The following ARL14EPL variants were observed in gnomAD, a reference collection of about 807,000 sequenced individuals.
ARL14EPL encodes ARF like GTPase 14 effector protein like, also known as ARL14 effector protein-like.
ARL14EPL carries 17 observed loss-of-function variants against 15.9 expected under a neutral mutation model. That is an observed-to-expected ratio of 1.07 (90% CI 0.73 to 1.60). The LOEUF is 1.60. ARL14EPL is among the 40% of genes most tolerant of loss of function. The pLI is 0.00. For missense variants in ARL14EPL, 214 were observed against 185.9 expected (o/e 1.15, Z -0.88); for synonymous variants, 78 against 63.8 (o/e 1.22, Z -1.06).
chr5:116,041,393 C>G (rs1749155649), intron 1 of ARL14EPL, among the ~76,000 whole-genome samples: 1 of 152,172 alleles, frequency 6.6e-6, no homozygotes, highest in African/African-American at 2.4e-5. Flanking sequence ...TGGGGGAAAA[C>G]ACTGAAGTAG....
In ARL14EPL at chr5:116,042,267, T is replaced by G. The variant is rs146456219; in HGVS notation, c.-9-9190T>G. 3.8e-3 allele frequency among the ~76,000 whole-genome samples: 583 copies of G among 152,330 alleles called. 6 individuals are homozygous for G. The highest frequency in any genetic ancestry group is 0.011 in the African/African-American group (452 of 41,568). ...TTATTTGATTACATATCTTCTTCTT[T>G]TAGACCTTTGAGCACTTTGAAGAAA... On this transcript the variant is annotated intron_variant, in intron 1 of 3. Coordinates refer to ENST00000686077, the MANE Select transcript of ARL14EPL (RefSeq NM_001195581.2).
intron 3 of ARL14EPL, among the ~76,000 whole-genome samples, chr5:116,056,554 G>A (rs1181652556): frequency 6.6e-6 from 1 of 152,072 alleles, no homozygotes; most frequent in Non-Finnish European, 1.5e-5. Context: ...TTAGCCCTTT[G>A]TCAGATGAGT....
intron 2 of ARL14EPL, 135 bp downstream of exon 2, chr5:116,051,696 A>G (rs1221725712): frequency 1.1e-5 from 9 of 791,728 alleles, no homozygotes; most frequent in Middle Eastern, 2.7e-4. Flanking sequence ...GCCCAGGCTG[A>G]TAGAGCTTTC....
intron 3 of ARL14EPL, among the ~76,000 whole-genome samples, chr5:116,055,574 T>C (rs1164964279): frequency 6.6e-6 from 1 of 151,998 alleles, no homozygotes; most frequent in East Asian, 1.9e-4. Context: ...TCACAATATG[T>C]TTAGGGATAC....
At chr5:116,048,819 G>A (rs1239657406) in intron 1 of ARL14EPL, among the ~76,000 whole-genome samples, 1 of 152,144 alleles carries the variant, frequency 6.6e-6, no homozygotes, top group African/African-American at 2.4e-5. Flanking sequence ...GATATTATTG[G>A]CAGAGAGGAG....
At chr5:116,035,564 C>G (rs1455155508) in intron 1 of ARL14EPL, among the ~76,000 whole-genome samples, 1 of 152,118 alleles carries the variant, frequency 6.6e-6, no homozygotes, top group African/African-American at 2.4e-5. Context: ...GAGAAAACAT[C>G]GAGGCAGGAA....
At chr5:116,045,745 A>AGAGT (rs1402557854) in intron 1 of ARL14EPL, among the ~76,000 whole-genome samples, 1,802 of 148,738 alleles carry the variant, frequency 0.012, 36 homozygotes, top group African/African-American at 0.042. Context: ...GACCCACAGA[A>AGAGT]GTGTGTGTGT....
chr5:116,058,829 A>C lies in ARL14EPL; in HGVS notation c.341A>C (p.Lys114Thr). 1 of 1,535,770 alleles carries C rather than the reference A, an allele frequency of 6.5e-7. No homozygotes were observed. The highest frequency in any genetic ancestry group is 8.7e-7 in the Non-Finnish European group (1 of 1,146,614). The change falls in exon 4 of 4, where the codon AAG becomes ACG. Residue 114 changes from lysine (K) to threonine (T), a missense_variant. Lys to Thr is a moderately conservative substitution (Grantham distance 78, BLOSUM62 -1). Transcript: ENST00000686077. ...NCLGCFYPCPKCNSNKCGPEC... is the reference protein window; with the variant it reads ...NCLGCFYPCPTCNSNKCGPEC... The stretch of plus-strand genomic sequence containing the variant: ...CTGGGCTGCTTCTACCCATGCCCGA[A>C]GTGTAACTCCAACAAGTGTGGGCCC...
At chr5:116,057,064 A>G (rs1749533392) in intron 3 of ARL14EPL, among the ~76,000 whole-genome samples, 1 of 152,206 alleles carries the variant, frequency 6.6e-6, no homozygotes, top group East Asian at 1.9e-4. Flanking sequence ...GCATATCAAA[A>G]AGTTTATCCA....
chr5:116,045,737 C>T (rs1172083535), intron 1 of ARL14EPL, among the ~76,000 whole-genome samples: 1 of 137,354 alleles, frequency 7.3e-6, no homozygotes, highest in Non-Finnish European at 1.5e-5. Flanking sequence ...TTCATATAGA[C>T]CCACAGAAGT....
At chr5:116,037,517 T>C (rs964362343) in intron 1 of ARL14EPL, among the ~76,000 whole-genome samples, 1 of 151,484 alleles carries the variant, frequency 6.6e-6, no homozygotes, top group Non-Finnish European at 1.5e-5. Flanking sequence ...TTTTGGCTCA[T>C]TCCTGGTCAC....
intron 1 of ARL14EPL, among the ~76,000 whole-genome samples, chr5:116,040,749 G>A (rs948699013): frequency 1.3e-5 from 2 of 150,354 alleles, no homozygotes; most frequent in South Asian, 2.1e-4. Context: ...CAAGGTGGGC[G>A]GATCACGAGG....
intron 1 of ARL14EPL, among the ~76,000 whole-genome samples, chr5:116,046,766 G>A (rs931165296): frequency 6.6e-6 from 1 of 152,054 alleles, no homozygotes; most frequent in African/African-American, 2.4e-5. Flanking sequence ...GATTTTTAAG[G>A]GTAATTTCAT....
intron 1 of ARL14EPL, among the ~76,000 whole-genome samples, chr5:116,037,501 T>C (rs1749067842): frequency 6.6e-6 from 1 of 152,120 alleles, no homozygotes; most frequent in Non-Finnish European, 1.5e-5. Flanking sequence ...CTGGAAGCAG[T>C]GTCCATTTTG....
chr5:116,054,557 C>T (rs1749470089), intron 3 of ARL14EPL, among the ~76,000 whole-genome samples: 1 of 152,184 alleles, frequency 6.6e-6, no homozygotes, highest in Non-Finnish European at 1.5e-5. Context: ...ACTGGCTGGG[C>T]ACGGTGGCTC....
intron 1 of ARL14EPL, among the ~76,000 whole-genome samples, chr5:116,049,631 C>T (rs751710523): frequency 6.6e-6 from 1 of 152,174 alleles, no homozygotes; most frequent in Non-Finnish European, 1.5e-5. Flanking sequence ...TTTTTCAGCC[C>T]TTGCCCTCCT....
chr5:116,054,183 G>C (rs2112680422), intron 3 of ARL14EPL, 30 bp downstream of exon 3: 5 of 1,511,734 alleles, frequency 3.3e-6, no homozygotes, highest in Non-Finnish European at 3.5e-6. Context: ...TATTTGATCT[G>C]TGGGATTATG....
chr5:116,046,431 T>C (rs1358381025), intron 1 of ARL14EPL, among the ~76,000 whole-genome samples: 2 of 152,278 alleles, frequency 1.3e-5, no homozygotes, highest in Non-Finnish European at 1.5e-5. Context: ...TAAACATAAA[T>C]GGAAGTGATA....
chr5:116,040,107 T>A (rs1177087040), intron 1 of ARL14EPL, among the ~76,000 whole-genome samples: 1 of 152,150 alleles, frequency 6.6e-6, no homozygotes, highest in Non-Finnish European at 1.5e-5. Flanking sequence ...TAATACAAGA[T>A]TTACTCTTGT....
Sources: allele counts gnomAD v4.1 joint callset (sites outside exome capture counted in the v4.1 genomes callset), GRCh38; gene constraint gnomAD v4.1.1; transcripts MANE v1.5; gene names NCBI Gene and HGNC (gene_info 2026-07-23, HGNC 2026-07-21).